OTUD7B: variants seen among roughly 807,000 people sequenced by gnomAD.
OTUD7B encodes the protein OTU domain-containing protein 7B.
In OTUD7B, 34 loss-of-function variants were observed where a neutral mutation model predicts 82.2. The observed-to-expected ratio is 0.41, with a 90% CI of 0.31 to 0.55. The LOEUF is 0.55. Among genes scored for constraint, OTUD7B ranks in the 20% least tolerant of loss-of-function variants. The pLI, the probability that OTUD7B is intolerant of heterozygous loss-of-function variation, is 0.20. For synonymous variants in OTUD7B, 398 were observed against 402.7 expected (o/e 0.99, Z 0.14); for missense variants, 944 against 1,062.1 (o/e 0.89, Z 1.55).
chr1:149,956,132 G>A (rs1648648761), intron 7 of OTUD7B, among the ~76,000 whole-genome samples: 2 of 152,102 alleles, frequency 1.3e-5, no homozygotes, highest in South Asian at 2.1e-4. Flanking sequence ...TCCTAGCATC[G>A]ATGGTCTTTA....
chr1:149,995,434 C>T (rs1051157208), intron 1 of OTUD7B, among the ~76,000 whole-genome samples: 1 of 152,098 alleles, frequency 6.6e-6, no homozygotes, highest in African/African-American at 2.4e-5. Flanking sequence ...CAAAAATTAG[C>T]CAGGCATGGT....
chr1:150,042,115 C>CTCCT, the OTUD7B span, among the ~76,000 whole-genome samples: 1 of 82,926 alleles, frequency 1.2e-5, no homozygotes, highest in Non-Finnish European at 2.6e-5. Flanking sequence ...CCCTCCCTCC[C>CTCCT]TCCCTCCCTC....
In OTUD7B at chr1:149,960,413, T is replaced by TTTTTTTTG. The variant is rs1366020859; in HGVS notation, c.733-618_733-617insCAAAAAAA. ...CCTTTTTTTCTTTTTTTTTTTTTTG[T>TTTTTTTTG]AGACAGAGTCACCCAGGCTGGAGTG... On this transcript the variant is annotated intron_variant, in intron 6 of 11. Transcript: ENST00000581312. 4.4e-3 allele frequency among the ~76,000 whole-genome samples: 319 copies of TTTTTTTTG among 72,562 alleles called. 46 individuals are homozygous for TTTTTTTTG. The highest frequency in any genetic ancestry group is 5.4e-3 in the East Asian group (11 of 2,024). 47.6% of individuals were successfully genotyped at this position (72,562 alleles called of 152,430 possible).
At chr1:149,945,416 G>C (rs1382094684) in intron 11 of OTUD7B, among the ~76,000 whole-genome samples, 2 of 152,172 alleles carry the variant, frequency 1.3e-5, no homozygotes, top group Non-Finnish European at 2.9e-5. Flanking sequence ...AGAACAATGA[G>C]CAACCATATG....
Position 149,956,598 on chromosome 1 carries a change from A to T in OTUD7B, c.845+3086T>A, listed in dbSNP as rs587701426. 1.8e-3 allele frequency among the ~76,000 whole-genome samples: 269 copies of T among 152,248 alleles called. 3 individuals carry two copies. The highest frequency in any genetic ancestry group is 2.6e-3 in the Non-Finnish European group (174 of 68,032). On this transcript the variant is annotated intron_variant, in intron 7 of 11. Transcript: ENST00000581312. ...GTCGGCCTGCCTTGCTAGGTTGGGGAAGTTCTCCTGTATAATATCCCGAAG... is the reference window on the plus strand; with the variant it reads ...GTCGGCCTGCCTTGCTAGGTTGGGGTAGTTCTCCTGTATAATATCCCGAAG...
chr1:150,018,976 C>T, the OTUD7B span, among the ~76,000 whole-genome samples: 1 of 152,122 alleles, frequency 6.6e-6, no homozygotes, highest in Non-Finnish European at 1.5e-5. Context: ...AAAATTAAAG[C>T]ACAGTCTAGT....
intron 1 of OTUD7B, among the ~76,000 whole-genome samples, chr1:149,979,779 AC>A (rs1559851808): frequency 6.6e-6 from 1 of 151,768 alleles, no homozygotes; most frequent in African/African-American, 2.4e-5. Flanking sequence ...TCCTCCCCCT[AC>A]CCCCCAGTAC....
chr1:150,059,307 C>CT, the OTUD7B span, among the ~76,000 whole-genome samples: 1,076 of 54,188 alleles, frequency 0.02, 151 homozygotes, highest in African/African-American at 0.056. Context: ...CCCCCCCCCC[C>CT]CCCGCCTCCC....
chr1:149,959,222 A>G (rs139671753), intron 7 of OTUD7B, among the ~76,000 whole-genome samples: 575 of 1,188 alleles, frequency 0.48, 5 homozygotes, highest in Admixed American at 0.5. Flanking sequence ...CTCTGTCTCA[A>G]AAAAAAAAGA....
the OTUD7B span, among the ~76,000 whole-genome samples, chr1:150,022,688 C>G: frequency 1.9e-4 from 29 of 152,282 alleles, no homozygotes; most frequent in African/African-American, 6.5e-4. Context: ...CAGGCTTCTG[C>G]AAGCCACTAC....
the OTUD7B span, among the ~76,000 whole-genome samples, chr1:150,030,090 A>C: frequency 1.4e-4 from 21 of 152,212 alleles, no homozygotes; most frequent in Non-Finnish European, 2.6e-4. Flanking sequence ...ACACCTGTGG[A>C]TTGATAACAA....
At chr1:150,055,870 C>T in the OTUD7B span, among the ~76,000 whole-genome samples, 3 of 152,050 alleles carry the variant, frequency 2.0e-5, no homozygotes, top group African/African-American at 4.8e-5. Context: ...ACAACAGACA[C>T]TGGGGCCCAC....
At chr1:150,025,432 AACACACACACACACACACACACAC>A in the OTUD7B span, among the ~76,000 whole-genome samples, 2 of 146,906 alleles carry the variant, frequency 1.4e-5, no homozygotes, top group Non-Finnish European at 3.0e-5. Flanking sequence ...AAGCAAACAA[AACACACACACACACACACACACAC>A]ACACACACAC....
chr1:150,064,770 C>T, the OTUD7B span, among the ~76,000 whole-genome samples: 1 of 152,144 alleles, frequency 6.6e-6, no homozygotes, highest in African/African-American at 2.4e-5. Context: ...TCCTTCCTAT[C>T]CATGGCTTAT....
At chr1:150,021,624 C>T in the OTUD7B span, among the ~76,000 whole-genome samples, 2 of 152,086 alleles carry the variant, frequency 1.3e-5, no homozygotes, top group Non-Finnish European at 2.9e-5. Flanking sequence ...GATGAGTGAA[C>T]CTGAACTAAG....
the OTUD7B span, among the ~76,000 whole-genome samples, chr1:150,031,349 T>A: frequency 3.9e-5 from 6 of 152,174 alleles, no homozygotes; most frequent in Admixed American, 2.6e-4. Flanking sequence ...CAGAGCCTGT[T>A]ACTTTCCCTT....
chr1:149,949,684 C>G lies in OTUD7B; in HGVS notation c.1068G>C (p.Gln356His). Residue 356 changes from glutamine to histidine, a missense_variant, in exon 9 of 12, where the codon CAG becomes CAC. Coordinates refer to ENST00000581312, the MANE Select transcript of OTUD7B (RefSeq NM_020205.4). ...TGGACACGAGTGCAGAAAAGTGGGC[C>G]TGATCATAGGCGAGCACCAGAGGGG... is the stretch of plus-strand genomic sequence containing the variant. ...HRSPLVLAYD[Q>H]AHFSALVSME... The G allele has an allele frequency of 6.2e-7, 1 of 1,614,156 alleles. No homozygotes were observed. The highest frequency in any genetic ancestry group is 8.5e-7 in the Non-Finnish European group (1 of 1,180,016).
chr1:150,064,253 T>C, the OTUD7B span, among the ~76,000 whole-genome samples: 14 of 152,214 alleles, frequency 9.2e-5, no homozygotes, highest in Admixed American at 7.2e-4. Flanking sequence ...GTTATTACCA[T>C]TTATCTGATG....
At chr1:150,037,180 A>G in the OTUD7B span, among the ~76,000 whole-genome samples, 2 of 152,146 alleles carry the variant, frequency 1.3e-5, no homozygotes, top group African/African-American at 4.8e-5. Flanking sequence ...ATCAATTCCT[A>G]AGAAAGCATG....
Sources: gnomAD v4.1 joint callset for allele counts (sites outside exome capture counted in the v4.1 genomes callset) on GRCh38, gnomAD v4.1.1 for gene constraint, MANE v1.5 for transcripts, NCBI Gene and HGNC (gene_info 2026-07-23, HGNC 2026-07-21) for gene names.